The following PLEKHA5 variants were observed in gnomAD, a reference collection of about 807,000 sequenced individuals.
PLEKHA5 encodes pleckstrin homology domain-containing family A member 5.
A neutral mutation model predicts 181.9 loss-of-function variants in PLEKHA5; 55 were observed. The ratio of observed to expected loss-of-function variants is 0.30; its 90% confidence interval spans 0.24 to 0.38. The LOEUF (loss-of-function observed/expected upper bound fraction) is 0.38. Ranked by LOEUF, PLEKHA5 falls within the 10% of genes least tolerant of loss-of-function variation. The pLI is 1.00. For missense variants in PLEKHA5, 1,432 were observed against 1,549.5 expected (o/e 0.92, Z 1.27); for synonymous variants, 535 against 529.4 (o/e 1.01, Z -0.15).
intron 3 of PLEKHA5, among the ~76,000 whole-genome samples, chr12:19,226,224 T>A (rs1026438572): frequency 1.3e-5 from 2 of 152,218 alleles, no homozygotes; most frequent in African/African-American, 4.8e-5. Flanking sequence ...CTTTTTTCAC[T>A]TAGCATAATG....
chr12:19,293,403 A>G (rs2078970494), intron 15 of PLEKHA5, among the ~76,000 whole-genome samples: 1 of 152,196 alleles, frequency 6.6e-6, no homozygotes, highest in Non-Finnish European at 1.5e-5. Context: ...CATTTCATGT[A>G]TCCGAATTCC....
At chr12:19,347,884 T>TC (rs202174187) in intron 24 of PLEKHA5, among the ~76,000 whole-genome samples, 2,714 of 84,490 alleles carry the variant, frequency 0.032, 26 homozygotes, top group Non-Finnish European at 0.043. Flanking sequence ...GAAATATTCT[T>TC]TTTTTTTTTT....
chr12:19,331,377 A>AT (rs1306235448), intron 20 of PLEKHA5, among the ~76,000 whole-genome samples: 6 of 151,972 alleles, frequency 3.9e-5, no homozygotes, highest in Admixed American at 6.6e-5. Flanking sequence ...TTTAAATAGA[A>AT]TTTTTTTGTA....
At chr12:19,151,194 AC>A (rs1410465797) in intron 3 of PLEKHA5, 2 of 152,220 alleles carry the variant, frequency 1.3e-5, no homozygotes, top group African/African-American at 2.4e-5. Context: ...AAAGTCCTTA[AC>A]AGCCAAGGTA....
At chr12:19,164,195 TTG>T (rs1157814922) in intron 3 of PLEKHA5, among the ~76,000 whole-genome samples, 8 of 128,232 alleles carry the variant, frequency 6.2e-5, no homozygotes, top group Middle Eastern at 4.3e-3. Context: ...CCAGATGTTT[TTG>T]TTTTTTTTTT....
chr12:19,365,908 A>G, intron 29 of PLEKHA5, 56 bp from the exon 30 acceptor site: 1 of 1,277,600 alleles, frequency 7.8e-7, no homozygotes, highest in East Asian at 2.6e-5. Flanking sequence ...AAAAAAAAGA[A>G]AAATTAATTG....
At chr12:19,354,963 T>C (rs1322904993) in intron 26 of PLEKHA5, among the ~76,000 whole-genome samples, 3 of 152,194 alleles carry the variant, frequency 2.0e-5, no homozygotes, top group Non-Finnish European at 4.4e-5. Flanking sequence ...ATGAGAGGTA[T>C]AGATGTGTCC....
chr12:19,173,305 G>A (rs966735137), intron 3 of PLEKHA5, among the ~76,000 whole-genome samples: 8 of 151,090 alleles, frequency 5.3e-5, no homozygotes, highest in Admixed American at 2.0e-4. Flanking sequence ...TTACAGGCGT[G>A]AGCCACCGCG....
intron 29 of PLEKHA5, among the ~76,000 whole-genome samples, chr12:19,363,863 A>G (rs2153261523): frequency 6.6e-6 from 1 of 152,316 alleles, no homozygotes; most frequent in Admixed American, 6.5e-5. Flanking sequence ...GAAAACAGAA[A>G]TGCTGTGGTT....
chr12:19,302,915 T>TTTTC, intron 15 of PLEKHA5, among the ~76,000 whole-genome samples: 1 of 112,702 alleles, frequency 8.9e-6, no homozygotes, highest in South Asian at 3.8e-4. Context: ...AATTTTTTTT[T>TTTTC]TTTTTTTTTT....
chr12:19,353,384 T>G (rs2094717440), intron 25 of PLEKHA5, among the ~76,000 whole-genome samples: 1 of 152,144 alleles, frequency 6.6e-6, no homozygotes, highest in South Asian at 2.1e-4. Flanking sequence ...CTTGAACTCC[T>G]GAGTTCAGGT....
At chr12:19,302,794 C>T (rs1323815946) in intron 15 of PLEKHA5, among the ~76,000 whole-genome samples, 1 of 150,420 alleles carries the variant, frequency 6.6e-6, no homozygotes, top group Non-Finnish European at 1.5e-5. Context: ...TAAGTAAAAA[C>T]ATGTCCTCAG....
chr12:19,260,870 A>T lies in PLEKHA5; in HGVS notation c.538-79A>T, dbSNP rs965037038. ...AGCGAAACTCCATCTCAAAAAAATAAAAATAAATAAATAAATAAATGCACA... is the reference window on the plus strand; with the variant it reads ...AGCGAAACTCCATCTCAAAAAAATATAAATAAATAAATAAATAAATGCACA... On this transcript the variant is annotated intron_variant, in intron 6 of 31. Coordinates refer to ENST00000429027, the MANE Select transcript of PLEKHA5 (RefSeq NM_001256470.2). 1.1e-4 allele frequency: 100 copies of T among 896,238 alleles called. 1 individual carries two copies. Among genetic ancestry groups the T allele is most frequent in the African/African-American group, 2.5e-4 (15 of 59,448 alleles). The allele number at this position is 896,238 out of a possible 1,614,324, so 55.5% of individuals were successfully genotyped here. A position where few individuals can be genotyped will look rare whatever the true frequency, so the allele number is the denominator to read the frequency against.
At chr12:19,273,308 A>T (rs1186535388) in intron 10 of PLEKHA5, among the ~76,000 whole-genome samples, 1 of 152,114 alleles carries the variant, frequency 6.6e-6, no homozygotes, top group African/African-American at 2.4e-5. Context: ...TTTATATTTA[A>T]CCTAAATATA....
rs559149768 is a variant in PLEKHA5 at position 19,136,323 on chromosome 12, T to C, written c.227+3873T>C. On this transcript the variant is annotated intron_variant, in intron 3 of 31. Transcript: ENST00000429027. ...ATTACACAGAGTTTGAGTTTGATTA[T>C]TGAATTTTCATATTGTTTTTATAAC... Among the ~76,000 whole-genome samples, 9 of 152,340 alleles carry C rather than the reference T, an allele frequency of 5.9e-5. No homozygotes were observed. The South Asian group carries it at 1.2e-3, about 21-fold the overall frequency.
At chr12:19,237,138 G>A (rs2061526415) in intron 3 of PLEKHA5, 1 of 152,088 alleles carries the variant, frequency 6.6e-6, no homozygotes, top group Admixed American at 6.6e-5. Flanking sequence ...AATAATCTTG[G>A]TAGCTCTGGT....
chr12:19,354,962 A>G (rs558052227), intron 26 of PLEKHA5, among the ~76,000 whole-genome samples: 2 of 152,272 alleles, frequency 1.3e-5, no homozygotes, highest in South Asian at 2.1e-4. Context: ...GATGAGAGGT[A>G]TAGATGTGTC....
chr12:19,275,033 T>A, intron 11 of PLEKHA5, 50 bp downstream of exon 11: 2 of 1,215,758 alleles, frequency 1.6e-6, no homozygotes, highest in Non-Finnish European at 1.2e-6. Context: ...GATGCTGTGT[T>A]GGTGGAGATT....
intron 3 of PLEKHA5, among the ~76,000 whole-genome samples, chr12:19,182,770 T>G (rs968358783): frequency 2.0e-5 from 3 of 152,168 alleles, no homozygotes; most frequent in Non-Finnish European, 2.9e-5. Context: ...AAGTATAATA[T>G]TAGAAATACA....
Sources: gnomAD v4.1 joint callset for allele counts (sites outside exome capture counted in the v4.1 genomes callset) on GRCh38, gnomAD v4.1.1 for gene constraint, MANE v1.5 for transcripts, NCBI Gene and HGNC (gene_info 2026-07-23, HGNC 2026-07-21) for gene names.